Variants in DNAH17 observed in about 807,000 individuals in gnomAD.
DNAH17 encodes the protein axonemal beta dynein heavy chain 17.
In DNAH17, 376 loss-of-function variants were observed where a neutral mutation model predicts 485.6. That is an observed-to-expected ratio of 0.77 (90% confidence interval 0.71 to 0.84). The LOEUF (loss-of-function observed/expected upper bound fraction) is 0.84. Among genes scored for constraint, DNAH17 ranks in the 40% least tolerant of loss-of-function variants. DNAH17 has a pLI of 0.00. For missense variants in DNAH17, 6,370 were observed against 5,839.3 expected (o/e 1.09, Z -2.96); for synonymous variants, 3,031 against 2,405.9 (o/e 1.26, Z -7.60).
rs1393116261 is a variant in DNAH17, at chr17:78,551,404, G to GCACTGCACGGCAGCTCC, written c.2391+114_2391+130dup. On this transcript the variant is annotated intron_variant, in intron 16 of 80. Transcript: ENST00000389840. ...TCTGATATCATCCTACCGGTGGAGA[G>GCACTGCACGGCAGCTCC]CACTGCACGGCAGCTCCCACTGCAC... The GCACTGCACGGCAGCTCC allele has an allele frequency of 1.8e-5, 13 of 725,198 alleles. No homozygotes were observed. The East Asian group carries it at 2.3e-4, about 13-fold the overall frequency. The allele number at this position is 725,198 out of a possible 1,614,324, so 44.9% of individuals were successfully genotyped here.
intron 22 of DNAH17, among the ~76,000 whole-genome samples, chr17:78,528,009 G>A (rs2091123040): frequency 2.0e-5 from 3 of 151,672 alleles, no homozygotes; most frequent in African/African-American, 7.3e-5. Flanking sequence ...GAACTCCTTG[G>A]CTCAAGTAAT....
intron 25 of DNAH17, among the ~76,000 whole-genome samples, chr17:78,517,260 T>C (rs914140777): frequency 2.0e-5 from 3 of 152,154 alleles, no homozygotes; most frequent in Non-Finnish European, 4.4e-5. Flanking sequence ...GCCAGACCGG[T>C]CTCAAACTCC....
intron 44 of DNAH17, among the ~76,000 whole-genome samples, chr17:78,487,865 G>A (rs995432472): frequency 2.6e-5 from 4 of 152,112 alleles, no homozygotes; most frequent in South Asian, 2.1e-4. Flanking sequence ...GGGGAGCTCC[G>A]CTTCTTCCTG....
In DNAH17 at chr17:78,429,123, T is replaced by G; in HGVS notation, c.12403A>C (p.Lys4135Gln). Residue 4135 changes from lysine to glutamine, a missense_variant and splice_region_variant, in exon 76 of 81, where the codon AAG (lysine) becomes CAG (glutamine). Coordinates refer to ENST00000389840, the MANE Select transcript of DNAH17 (RefSeq NM_173628.4). ...CCTGTTTAACTTGTCATCCTTACCT[T>G]GTAGTCCAGGTTGGGGGGGATCTGA... is the stretch of plus-strand genomic sequence containing the variant. ...GFQIPPNLDY[K>Q]GYHEYIDENL... is the part of the protein sequence containing the mutation. The G allele has an allele frequency of 1.2e-6, 2 of 1,609,698 alleles. No individual in the cohort carries two copies. The highest frequency in any genetic ancestry group is 1.7e-5 in the Admixed American group (1 of 59,866).
chr17:78,488,587 A>G (rs1257425814), intron 44 of DNAH17, among the ~76,000 whole-genome samples: 3 of 151,908 alleles, frequency 2.0e-5, no homozygotes, highest in Non-Finnish European at 2.9e-5. Flanking sequence ...TTCCCCGGAC[A>G]TTGTCTTTGC....
chr17:78,516,513 C>G (rs2090784094), intron 25 of DNAH17, among the ~76,000 whole-genome samples: 1 of 151,994 alleles, frequency 6.6e-6, no homozygotes, highest in South Asian at 2.1e-4. Flanking sequence ...ATGGTGAAAC[C>G]CCATCTCTAC....
chr17:78,556,398 G>C (rs974850574), intron 14 of DNAH17, among the ~76,000 whole-genome samples: 2 of 152,176 alleles, frequency 1.3e-5, no homozygotes, highest in Non-Finnish European at 2.9e-5. Context: ...CGGATGCCTT[G>C]ACTCCAGCAG....
At chr17:78,490,035 G>A (rs2089781381) in intron 44 of DNAH17, 1 of 152,222 alleles carries the variant, frequency 6.6e-6, no homozygotes, top group Middle Eastern at 3.2e-3. Context: ...CCAGCCACGT[G>A]TCCAAGCCCG....
intron 1 of DNAH17, 47 bp downstream of exon 1, chr17:78,577,248 C>T (rs1425590133): frequency 6.5e-6 from 1 of 152,686 alleles, no homozygotes; most frequent in Non-Finnish European, 1.5e-5. Flanking sequence ...TCCCTGCTCC[C>T]TCCACCTTGG....
chr17:78,429,134 T>C lies in DNAH17; in HGVS notation c.12392A>G (p.Asn4131Ser), dbSNP rs1235354632. 5 of 1,611,288 alleles carry C rather than the reference T, an allele frequency of 3.1e-6. No individual in the cohort carries two copies. In the East Asian group the frequency reaches 6.7e-5, roughly 22 times the overall value. ...LLAPGFQIPP[N>S]LDYKGYHEYI... ...TGTCATCCTTACCTTGTAGTCCAGG[T>C]TGGGGGGGATCTGAAAGCCGGGGGC... Residue 4131 changes from asparagine (N) to serine (S), a missense_variant, in exon 76 of 81, where the codon AAC (asparagine) becomes AGC (serine). Coordinates refer to ENST00000389840, the MANE Select transcript of DNAH17 (RefSeq NM_173628.4).
chr17:78,425,819 G>A (rs1225492993), intron 79 of DNAH17, among the ~76,000 whole-genome samples: 4 of 147,276 alleles, frequency 2.7e-5, no homozygotes, highest in South Asian at 2.1e-4. Context: ...AGGCTGGAGT[G>A]CAGTGGTGCA....
chr17:78,571,813 C>A, intron 3 of DNAH17, 31 bp from the exon 4 acceptor site: 1 of 1,541,422 alleles, frequency 6.5e-7, no homozygotes, highest in South Asian at 1.3e-5. Flanking sequence ...GCATTGCTCT[C>A]ATGGCGACAC....
intron 51 of DNAH17, among the ~76,000 whole-genome samples, chr17:78,477,818 C>T (rs1598528228): frequency 6.6e-6 from 1 of 152,184 alleles, no homozygotes; most frequent in African/African-American, 2.4e-5. Context: ...GGGCCAAACC[C>T]AATCTCTGAC....
chr17:78,468,103 T>A (rs1008562575), intron 55 of DNAH17, among the ~76,000 whole-genome samples: 1 of 150,142 alleles, frequency 6.7e-6, no homozygotes, highest in Non-Finnish European at 1.5e-5. Flanking sequence ...GGGGTCCACA[T>A]AGAGTCGGTT....
chr17:78,522,139 A>G (rs1487538540), intron 25 of DNAH17: 4 of 157,906 alleles, frequency 2.5e-5, no homozygotes, highest in Non-Finnish European at 5.6e-5. Context: ...TTTAACAGTA[A>G]AAAACTTAGT....
chr17:78,487,361 T>C (rs1371376177), intron 44 of DNAH17, among the ~76,000 whole-genome samples: 1 of 152,220 alleles, frequency 6.6e-6, no homozygotes, highest in Admixed American at 6.5e-5. Context: ...AGGGTAAGTG[T>C]TGCCAAATCA....
chr17:78,507,240 C>G (rs367824755), intron 29 of DNAH17, 38 bp downstream of exon 29: 3 of 1,606,362 alleles, frequency 1.9e-6, no homozygotes, highest in Non-Finnish European at 1.7e-6. Context: ...GGAATCTGCA[C>G]CACTGACTCC....
At chr17:78,472,421 C>T (rs1433959714) in intron 54 of DNAH17, among the ~76,000 whole-genome samples, 1 of 152,084 alleles carries the variant, frequency 6.6e-6, no homozygotes, top group African/African-American at 2.4e-5. Flanking sequence ...GCCAAGCCCC[C>T]ACCCCACCCG....
At chr17:78,490,579 T>C (rs921927919) in intron 44 of DNAH17, 120 bp downstream of exon 44, 2 of 1,386,004 alleles carry the variant, frequency 1.4e-6, no homozygotes, top group African/African-American at 2.9e-5. Flanking sequence ...TGGTGCCTGG[T>C]GAGGGCCTGA....
Sources: allele counts gnomAD v4.1 joint callset (sites outside exome capture counted in the v4.1 genomes callset), GRCh38; gene constraint gnomAD v4.1.1; transcripts MANE v1.5; gene names NCBI Gene and HGNC (gene_info 2026-07-23, HGNC 2026-07-21).